ZNF391: variants seen among roughly 807,000 people sequenced by gnomAD.
The protein encoded by ZNF391 is zinc finger protein 391.
For missense variants in ZNF391, 375 were observed against 425.5 expected, an observed-to-expected ratio of 0.88 and a Z score of 1.04; for synonymous variants, 126 against 142.1, an observed-to-expected ratio of 0.89 and a Z score of 0.80.
intron 1 of ZNF391, among the ~76,000 whole-genome samples, chr6:27,393,229 G>A (rs980962): frequency 0.71 from 107,774 of 151,770 alleles, 38,460 homozygotes; most frequent in Middle Eastern, 0.8. Flanking sequence ...AAGTTGTATT[G>A]TAACCCTGAC....
chr6:27,395,553 T>C (rs1761807139), intron 1 of ZNF391, among the ~76,000 whole-genome samples: 1 of 152,198 alleles, frequency 6.6e-6, no homozygotes, highest in Non-Finnish European at 1.5e-5. Flanking sequence ...GGTATTTCTT[T>C]ATAGTAATGC....
chr6:27,382,477 GAAACA>G (rs1761524793), intron 1 of ZNF391, among the ~76,000 whole-genome samples: 1 of 152,128 alleles, frequency 6.6e-6, no homozygotes, highest in Non-Finnish European at 1.5e-5. Flanking sequence ...GGCACAAAAT[GAAACA>G]AAACAAATAC....
intron 1 of ZNF391, among the ~76,000 whole-genome samples, chr6:27,393,769 A>G (rs1337599719): frequency 6.6e-6 from 1 of 152,252 alleles, no homozygotes. Context: ...GTCCAGGCTG[A>G]CAAAGTCTCA....
chr6:27,388,651 G>C (rs1161293491), upstream of ZNF391: 9 of 315,200 alleles, frequency 2.9e-5, no homozygotes, highest in Non-Finnish European at 5.5e-5. Context: ...CCAGGGGAGG[G>C]GCTTTGCAAA....
At chr6:27,389,635 C>G (rs34332556) in intron 1 of ZNF391, among the ~76,000 whole-genome samples, 13,556 of 152,180 alleles carry the variant, frequency 0.089, 760 homozygotes, top group African/African-American at 0.15. Context: ...GAAACCCGTT[C>G]TCTACTAAAA....
chr6:27,400,154 C>T, intron 2 of ZNF391, 139 bp from the exon 3 acceptor site: 1 of 448,240 alleles, frequency 2.2e-6, no homozygotes, highest in Non-Finnish European at 3.9e-6. Flanking sequence ...TGTTCTCCTC[C>T]ACTATCCTTT....
rs530642053 is a variant in ZNF391 at position 27,396,738 on chromosome 6, GA to G, written c.-187-2696del. On this transcript the variant is annotated intron_variant, in intron 1 of 2. Coordinates refer to ENST00000244576, the MANE Select transcript of ZNF391 (RefSeq NM_001076781.3). ...TGAGACCCTGTCTCAAAAAAAGAAA[GA>G]AAAAAAATGTATATTTCCTTGATTT... is the stretch of plus-strand genomic sequence containing the variant. Among the ~76,000 whole-genome samples the G allele has an allele frequency of 1.5e-3, 220 of 151,680 alleles. 2 individuals carry two copies. In the Middle Eastern group the frequency reaches 0.017, roughly 12 times the overall value.
rs2113663154 is a variant in ZNF391, at chr6:27,400,619, C to T, written c.249C>T (p.Ser83=). 6.2e-7 allele frequency: 1 copy of T among 1,614,126 alleles called. No individual in the cohort carries two copies. The highest frequency in any genetic ancestry group is 8.5e-7 in the Non-Finnish European group (1 of 1,180,038). ...AQQKIPKGHG[S]PISRKNSKDN... ...AGAAAATTCCAAAGGGACATGGATC[C>T]CCAATATCTAGGAAAAACTCCAAAG... Residue 83 remains serine, a synonymous_variant, in exon 3 of 3, where the codon TCC becomes TCT. Transcript: ENST00000244576.
upstream of ZNF391, among the ~76,000 whole-genome samples, chr6:27,386,875 G>A (rs1367749154): frequency 1.3e-5 from 2 of 151,998 alleles, no homozygotes; most frequent in Non-Finnish European, 2.9e-5. Flanking sequence ...TAAATAAATG[G>A]AGCTTCATCA....
rs566437557 is a variant in ZNF391 at position 27,395,504 on chromosome 6, G to A, written c.-187-3938G>A. On this transcript the variant is annotated intron_variant, in intron 1 of 2. Coordinates refer to ENST00000244576, the MANE Select transcript of ZNF391 (RefSeq NM_001076781.3). ...CCATGCTTTTACAGCCTGCAGAACC[G>A]TGAGCGAATTAAACTTCTTTATAAA... 2.0e-4 allele frequency among the ~76,000 whole-genome samples: 31 copies of A among 152,224 alleles called. No individual in the cohort carries two copies. The South Asian group carries it at 6.0e-3, about 30-fold the overall frequency.
chr6:27,399,660 A>G (rs191151132), intron 2 of ZNF391, 110 bp downstream of exon 2: 1 of 152,330 alleles, frequency 6.6e-6, no homozygotes. Context: ...TCTGTTTTCT[A>G]TCTGTCAGAT....
rs200518744 is a variant in ZNF391, at chr6:27,401,085, C to T, written c.715C>T (p.His239Tyr). ...AFGDRSTIIQ[H>Y]QRIHTGENPY... ...CGGTGACCGTTCAACCATAATTCAG[C>T]ATCAACGAATACACACTGGAGAGAA... Residue 239 changes from histidine (H) to tyrosine (Y), a missense_variant, in exon 3 of 3, where the codon CAT (histidine) becomes TAT (tyrosine). Transcript: ENST00000244576. The T allele has an allele frequency of 1.9e-6, 3 of 1,614,102 alleles. No homozygotes were observed. The highest frequency in any genetic ancestry group is 2.2e-5 in the East Asian group (1 of 44,904).
rs760057404 is a variant in ZNF391, at chr6:27,400,750, A to G, written c.380A>G (p.His127Arg). Residue 127 changes from histidine (H) to arginine (R), a missense_variant, in exon 3 of 3, where the codon CAC (histidine) becomes CGC (arginine). By Grantham distance (29) the His-to-Arg change is conservative. Coordinates refer to ENST00000244576, the MANE Select transcript of ZNF391 (RefSeq NM_001076781.3). ...AGTTACCAATCAGACCTTCTTGTAC[A>G]CAGTAGAATTCATGGTGGAGAAAAG... Reference protein sequence around the residue: ...AFSYQSDLLVHSRIHGGEKPF... With the variant: ...AFSYQSDLLVRSRIHGGEKPF... 2.5e-6 allele frequency: 4 copies of G among 1,614,226 alleles called. No homozygotes were observed. In the South Asian group the frequency reaches 3.3e-5, roughly 13 times the overall value.
Position 27,374,698 on chromosome 6 carries a change from G to C in ZNF391, n.84G>C, listed in dbSNP as rs558628461. 2 of 151,958 alleles carry C rather than the reference G, an allele frequency of 1.3e-5. No homozygotes were observed. The highest frequency in any genetic ancestry group is 6.6e-5 in the Admixed American group (1 of 15,262). The allele number at this position is 151,958 out of a possible 1,614,324, so 9.4% of individuals were successfully genotyped here. ...CCAGTTTGTGGCTCTCGGAGAGTTC[G>C]CCTCGTCCCTCCCTCTCAGATAACC... On this transcript the variant is annotated non_coding_transcript_exon_variant, in exon 1 of 3. Transcript: ENST00000477999. The surrounding 1 kb of genome is among the most constrained non-coding windows in gnomAD (Gnocchi z 5.3).
chr6:27,384,689 C>A (rs145286162), upstream of ZNF391, among the ~76,000 whole-genome samples: 13 of 152,068 alleles, frequency 8.5e-5, no homozygotes, highest in East Asian at 2.5e-3. Flanking sequence ...TGAGTGACAG[C>A]AATGAACCAA....
chr6:27,380,359 G>A (rs1761478794), intron 1 of ZNF391, among the ~76,000 whole-genome samples: 1 of 152,168 alleles, frequency 6.6e-6, no homozygotes, highest in South Asian at 2.1e-4. Context: ...GCAGACCTTC[G>A]CGGTGAGTAT....
chr6:27,381,063 C>G (rs1761493493), intron 1 of ZNF391, among the ~76,000 whole-genome samples: 2 of 152,266 alleles, frequency 1.3e-5, no homozygotes, highest in African/African-American at 4.8e-5. Context: ...GCGCCGTGCG[C>G]CCACACTCTT....
At chr6:27,385,737 A>G (rs1261481188), upstream of ZNF391, among the ~76,000 whole-genome samples, 1 of 152,210 alleles carries the variant, frequency 6.6e-6, no homozygotes, top group Non-Finnish European at 1.5e-5. Flanking sequence ...GCAGAAAATC[A>G]GTAAGGATAT....
chr6:27,386,477 A>G (rs1344919785), upstream of ZNF391, among the ~76,000 whole-genome samples: 1 of 152,198 alleles, frequency 6.6e-6, no homozygotes, highest in East Asian at 1.9e-4. Flanking sequence ...ATAAAGTTTA[A>G]AGACACATAC....
Sources: gnomAD v4.1 joint callset for allele counts (sites outside exome capture counted in the v4.1 genomes callset) on GRCh38, gnomAD v4.1.1 for gene constraint, Gnocchi (gnomAD v3.1) non-coding constraint, MANE v1.5 for transcripts, NCBI Gene and HGNC (gene_info 2026-07-23, HGNC 2026-07-21) for gene names.